The following SMARCA5 variants were observed in gnomAD, a reference collection of about 807,000 sequenced individuals.
SMARCA5 encodes the protein SWI/SNF-related matrix-associated actin-dependent regulator of chromatin subfamily A member 5.
A neutral mutation model predicts 140.4 loss-of-function variants in SMARCA5; 18 were observed. That is an observed-to-expected ratio of 0.13 (90% CI 0.09 to 0.19). The LOEUF (loss-of-function observed/expected upper bound fraction) is 0.19. Among genes scored for constraint, SMARCA5 ranks in the 10% least tolerant of loss-of-function variants. The probability of loss-of-function intolerance (pLI) is 1.00; values close to 1 mark genes in which losing one functional copy is unlikely to be tolerated. For synonymous variants in SMARCA5, 449 were observed against 419.6 expected (o/e 1.07, Z -0.86); for missense variants, 606 against 1,276.8 (o/e 0.47, Z 8.01).
intron 23 of SMARCA5, among the ~76,000 whole-genome samples, chr4:143,552,692 T>TA (rs1253287832): frequency 6.6e-6 from 1 of 151,952 alleles, no homozygotes; most frequent in Non-Finnish European, 1.5e-5. Flanking sequence ...GGCAAACACT[T>TA]AAAGGGAAAA....
chr4:143,533,951 C>T (rs1325465457), intron 9 of SMARCA5, among the ~76,000 whole-genome samples: 2 of 152,112 alleles, frequency 1.3e-5, no homozygotes, highest in Non-Finnish European at 2.9e-5. Context: ...TGCAGTGCTT[C>T]ACAGATACTG....
rs1387101081 is a variant in SMARCA5 at position 143,545,355 on chromosome 4, G to C, written c.2284-115G>C. Reference sequence around the variant, plus strand: ...AGATATAAATTCAGTTTTATTGAAAGATGCATTCAGTTGCTTGCAGAATTG... The same window carrying C: ...AGATATAAATTCAGTTTTATTGAAACATGCATTCAGTTGCTTGCAGAATTG... On this transcript the variant is annotated intron_variant, in intron 17 of 23. Transcript: ENST00000283131. 8.8e-6 allele frequency: 6 copies of C among 682,964 alleles called. No individual in the cohort carries two copies. In the African/African-American group the frequency reaches 9.2e-5, roughly 10 times the overall value. The allele number at this position is 682,964 out of a possible 1,614,324, so 42.3% of individuals were successfully genotyped here. A position where few individuals can be genotyped will look rare whatever the true frequency, so the allele number is the denominator to read the frequency against.
intron 22 of SMARCA5, among the ~76,000 whole-genome samples, chr4:143,548,715 T>G (rs1737579147): frequency 6.6e-6 from 1 of 152,138 alleles, no homozygotes; most frequent in Admixed American, 6.6e-5. Flanking sequence ...TTCACCACCA[T>G]TGAACTTTGA....
chr4:143,533,498 C>CTTT lies in SMARCA5; in HGVS notation c.1159-1332_1159-1330dup, dbSNP rs10580434. 5.0e-4 allele frequency among the ~76,000 whole-genome samples: 64 copies of CTTT among 127,536 alleles called. 3 individuals are homozygous for CTTT. Among genetic ancestry groups the CTTT allele is most frequent in the African/African-American group, 1.5e-3 (49 of 33,452 alleles). 83.7% of individuals were successfully genotyped at this position (127,536 alleles called of 152,430 possible). On this transcript the variant is annotated intron_variant, in intron 9 of 23. Coordinates refer to ENST00000283131, the MANE Select transcript of SMARCA5 (RefSeq NM_003601.4). Reference sequence around the variant, plus strand: ...GATCTTAATGAGACCCTTGTCCATTCTTTTTTTTTTTTTTTTTTTTTTTTT... The same window carrying CTTT: ...GATCTTAATGAGACCCTTGTCCATTCTTTTTTTTTTTTTTTTTTTTTTTTTTTT...
chr4:143,547,552 TGTGA>T (rs754060802), intron 21 of SMARCA5, 49 bp downstream of exon 21: 17 of 964,942 alleles, frequency 1.8e-5, no homozygotes, highest in Admixed American at 7.1e-5. Context: ...AACTCCTAGC[TGTGA>T]GTATGAGAGA....
At position 143,532,790 on chromosome 4, in the gene SMARCA5, A is replaced by G. The variant is rs147094728; in HGVS notation, c.1159-2065A>G. On this transcript the variant is annotated intron_variant, in intron 9 of 23. Coordinates refer to ENST00000283131, the MANE Select transcript of SMARCA5 (RefSeq NM_003601.4). ...TATTTTATTAACAACCCCAGAATTT[A>G]TGGGTTGACTGGATGGTTTCTTTGT... is the stretch of plus-strand genomic sequence containing the variant. 2.3e-4 allele frequency among the ~76,000 whole-genome samples: 35 copies of G among 151,194 alleles called. No homozygotes were observed. In the East Asian group the frequency reaches 4.9e-3, roughly 21 times the overall value.
chr4:143,516,795 T>C lies in SMARCA5; in HGVS notation c.178-560T>C, dbSNP rs144697104. ...GTTGTTTTTTGTTGCTTGTGACATATGAATGTCAGGATAAATATATTTGCA... is the reference window on the plus strand; with the variant it reads ...GTTGTTTTTTGTTGCTTGTGACATACGAATGTCAGGATAAATATATTTGCA... On this transcript the variant is annotated intron_variant, in intron 1 of 23. Transcript: ENST00000283131. Among the ~76,000 whole-genome samples the C allele has an allele frequency of 7.3e-3, 1,109 of 152,310 alleles. 6 individuals carry two copies. Among genetic ancestry groups the C allele is most frequent in the South Asian group, 0.031 (151 of 4,832 alleles).
At chr4:143,548,199 G>A in intron 22 of SMARCA5, 59 bp downstream of exon 22, 1 of 1,005,126 alleles carries the variant, frequency 9.9e-7, no homozygotes, top group South Asian at 1.7e-5. Flanking sequence ...TGTCATCTTT[G>A]GTATTCTTTA....
chr4:143,528,494 G>A (rs532287842), intron 7 of SMARCA5, 89 bp from the exon 8 acceptor site: 419 of 1,104,728 alleles, frequency 3.8e-4, no homozygotes, highest in Non-Finnish European at 5.0e-4. Context: ...TATCATTGTT[G>A]GGCATTTGTG....
At position 143,556,233 on chromosome 4, in the gene SMARCA5, TTAATA is replaced by T. The variant is rs1200724807; in HGVS notation, c.*3052_*3056del. On this transcript the variant is annotated 3_prime_UTR_variant, in exon 24 of 24. Transcript: ENST00000283131. Reference sequence around the variant, plus strand: ...ATTGCTCCATCTGCCCTTTGAGTATTTAATATATGCCGATTGTTTGAACTAATCTG... The same window carrying T: ...ATTGCTCCATCTGCCCTTTGAGTATTTATGCCGATTGTTTGAACTAATCTG... The T allele has an allele frequency of 6.6e-6, 1 of 152,176 alleles. No individual in the cohort carries two copies. Among genetic ancestry groups the T allele is most frequent in the Non-Finnish European group, 1.5e-5 (1 of 68,034 alleles). The allele number at this position is 152,176 out of a possible 1,614,324, so 9.4% of individuals were successfully genotyped here.
At chr4:143,547,873 A>G in intron 21 of SMARCA5, 55 bp from the exon 22 acceptor site, 1 of 1,083,638 alleles carries the variant, frequency 9.2e-7, no homozygotes, top group Non-Finnish European at 1.3e-6. Flanking sequence ...CTGAGTTTGA[A>G]ATACAGATTA....
intron 22 of SMARCA5, among the ~76,000 whole-genome samples, chr4:143,549,217 A>G (rs1023925117): frequency 1.3e-5 from 2 of 152,084 alleles, no homozygotes; most frequent in African/African-American, 4.8e-5. Flanking sequence ...AAAAATGATA[A>G]TGTATTCTTC....
chr4:143,521,587 C>T lies in SMARCA5; in HGVS notation c.411C>T (p.Ser137=), dbSNP rs766098821. Residue 137 remains serine, a synonymous_variant, in exon 3 of 24, where the codon TCC becomes TCT. Transcript: ENST00000283131. ...IKKDEKQNLL[S]VGDYRHRRTE... Reference sequence around the variant, plus strand: ...AAGATGAGAAGCAGAACTTACTATCCGTTGGCGAGTGAGTAATAGTTTAAA... The same window carrying T: ...AAGATGAGAAGCAGAACTTACTATCTGTTGGCGAGTGAGTAATAGTTTAAA... 42 of 1,609,926 alleles carry T rather than the reference C, an allele frequency of 2.6e-5. No homozygotes were observed. Among genetic ancestry groups the T allele is most frequent in the South Asian group, 2.1e-4 (19 of 90,112 alleles).
In SMARCA5 at chr4:143,538,983, T is replaced by C; in HGVS notation, c.1770+45T>C. 5 of 1,546,336 alleles carry C rather than the reference T, an allele frequency of 3.2e-6. No individual in the cohort carries two copies. In the African/African-American group the frequency reaches 6.8e-5, roughly 21 times the overall value. ...TATATTCTGTGCTTAGTAGATGGCG[T>C]TAGTTAGGACAGGCTAATTCTACAA... On this transcript the variant is annotated intron_variant, in intron 13 of 23. Transcript: ENST00000283131.
intron 16 of SMARCA5, chr4:143,544,448 T>C (rs1428659741): frequency 8.6e-6 from 2 of 232,248 alleles, no homozygotes; most frequent in Non-Finnish European, 8.2e-6. Context: ...ATTATGTGTC[T>C]ACATTTTTCT....
chr4:143,516,054 A>AT (rs1196255749), intron 1 of SMARCA5, among the ~76,000 whole-genome samples: 2 of 151,854 alleles, frequency 1.3e-5, no homozygotes, highest in Non-Finnish European at 2.9e-5. Flanking sequence ...AATTCATGAT[A>AT]TAAACTAAGT....
At chr4:143,525,111 A>C (rs1380796292) in intron 4 of SMARCA5, among the ~76,000 whole-genome samples, 1 of 151,990 alleles carries the variant, frequency 6.6e-6, no homozygotes, top group Non-Finnish European at 1.5e-5. Flanking sequence ...GTCTTTATGA[A>C]AGCTGAAAAT....
At chr4:143,547,687 A>C (rs1737556528) in intron 21 of SMARCA5, among the ~76,000 whole-genome samples, 184 bp downstream of exon 21, 2 of 152,066 alleles carry the variant, frequency 1.3e-5, no homozygotes, top group South Asian at 4.1e-4. Context: ...ATCTGAGTCA[A>C]AGACACTAAG....
Position 143,528,627 on chromosome 4 carries a change from A to T in SMARCA5, c.1002A>T (p.Leu334Phe), listed in dbSNP as rs1402787736. Residue 334 changes from leucine to phenylalanine, a missense_variant, in exon 8 of 24, where the codon TTA becomes TTT. Leu to Phe is a conservative substitution (Grantham distance 22). Transcript: ENST00000283131. ...VREFKTTNRL[L>F]LTGTPLQNNL... is the part of the protein sequence containing the mutation. ...AATTCAAGACTACAAATAGACTATT[A>T]TTAACTGGAACACCTCTTCAGAACA... is the stretch of plus-strand genomic sequence containing the variant. 1 of 1,613,302 alleles carries T rather than the reference A, an allele frequency of 6.2e-7. No individual in the cohort carries two copies.
Sources: allele counts gnomAD v4.1 joint callset (sites outside exome capture counted in the v4.1 genomes callset), GRCh38; gene constraint gnomAD v4.1.1; transcripts MANE v1.5; gene names NCBI Gene and HGNC (gene_info 2026-07-23, HGNC 2026-07-21).